The following NECAB2 variants were observed in gnomAD, a reference collection of about 807,000 sequenced individuals.
The protein encoded by NECAB2 is N-terminal EF-hand calcium-binding protein 2.
In NECAB2, 68 loss-of-function variants were observed where a neutral mutation model predicts 51.9. That is an observed-to-expected ratio of 1.31 (90% CI 1.08 to 1.60). NECAB2 has a LOEUF of 1.60. NECAB2 is among the 40% of genes most tolerant of loss of function. The pLI is 0.00. For missense variants in NECAB2, 854 were observed against 490.3 expected (o/e 1.74, Z -7.00); for synonymous variants, 329 against 203.5 (o/e 1.62, Z -5.25).
chr16:83,998,279 G>A lies in NECAB2; in HGVS notation c.924G>A (p.Gln308=). ...QLSEFLDSLR[Q]YLRGTTGVRN... ...GCGAGTTTCTGGACTCTCTGCGCCAGTATCTGCGGGGGACCACTGGCGTGA... is the reference window on the plus strand; with the variant it reads ...GCGAGTTTCTGGACTCTCTGCGCCAATATCTGCGGGGGACCACTGGCGTGA... Residue 308 remains glutamine, a synonymous_variant, in exon 10 of 13, where the codon CAG becomes CAA. Coordinates refer to ENST00000305202, the MANE Select transcript of NECAB2 (RefSeq NM_019065.3). The A allele has an allele frequency of 2.5e-6, 4 of 1,613,508 alleles. 1 individual carries two copies. Among genetic ancestry groups the A allele is most frequent in the Middle Eastern group, 1.6e-4 (1 of 6,062 alleles).
At chr16:83,975,582 G>A (rs1442260135) in intron 2 of NECAB2, among the ~76,000 whole-genome samples, 4 of 152,142 alleles carry the variant, frequency 2.6e-5, no homozygotes, top group Non-Finnish European at 4.4e-5. Flanking sequence ...TGTCAGGGTG[G>A]CTCCTGTGAC....
intron 5 of NECAB2, 130 bp from the exon 6 acceptor site, chr16:83,990,364 G>T (rs900701301): frequency 4.2e-6 from 5 of 1,195,696 alleles, no homozygotes; most frequent in Admixed American, 2.0e-5. Context: ...CCAGGAGGCC[G>T]TGGGGTCCTC....
rs143941932 is a variant in NECAB2 at position 83,994,655 on chromosome 16, C to G, written c.762C>G (p.Arg254=). Residue 254 remains arginine, a synonymous_variant, in exon 8 of 13, where the codon CGC becomes CGG. Transcript: ENST00000305202. ...KEEGLEAQIS[R]LAELIGRLES... ...AGGGTCTGGAAGCCCAGATCAGCCG[C>G]TTGGCAGAGCTGATTGGGAGGCTGG... The G allele has an allele frequency of 3.9e-5, 63 of 1,614,042 alleles. No homozygotes were observed. The African/African-American group carries it at 7.9e-4, about 20-fold the overall frequency.
Position 83,994,704 on chromosome 16 carries a change from A to C in NECAB2, c.795+16A>C, listed in dbSNP as rs746457930. On this transcript the variant is annotated intron_variant, in intron 8 of 12. Transcript: ENST00000305202. The stretch of plus-strand genomic sequence containing the variant: ...GGAGAGCAAAGTAAGCCCTGGCCTG[A>C]CCACGGCGTCTACTCCTTCCAACCC... 3.7e-6 allele frequency: 6 copies of C among 1,613,666 alleles called. No homozygotes were observed. Among genetic ancestry groups the C allele is most frequent in the Non-Finnish European group, 5.1e-6 (6 of 1,179,852 alleles).
intron 10 of NECAB2, 138 bp downstream of exon 10, chr16:83,998,455 G>A: frequency 2.6e-6 from 2 of 781,946 alleles, no homozygotes; most frequent in South Asian, 1.8e-5. Flanking sequence ...TGCGTAAGAA[G>A]TGGGTTCAGG....
intron 11 of NECAB2, among the ~76,000 whole-genome samples, chr16:84,001,481 G>T (rs777655383): frequency 1.3e-5 from 2 of 152,122 alleles, no homozygotes; most frequent in East Asian, 1.9e-4. Context: ...CTCATAAAAC[G>T]AGGGACTAAA....
chr16:84,002,570 G>C lies in NECAB2; in HGVS notation c.*224G>C. On this transcript the variant is annotated 3_prime_UTR_variant, in exon 13 of 13. Coordinates refer to ENST00000305202, the MANE Select transcript of NECAB2 (RefSeq NM_019065.3). Reference sequence around the variant, plus strand: ...GTCCTGGTGAAGCCCAAGGTTGAAGGGGGCGGCTTCCTGGAGCCAGCACCC... The same window carrying C: ...GTCCTGGTGAAGCCCAAGGTTGAAGCGGGCGGCTTCCTGGAGCCAGCACCC... 1 of 617,084 alleles carries C rather than the reference G, an allele frequency of 1.6e-6. No homozygotes were observed. Among genetic ancestry groups the C allele is most frequent in the East Asian group, 2.8e-5 (1 of 35,618 alleles). The allele number at this position is 617,084 out of a possible 1,614,324, so 38.2% of individuals were successfully genotyped here. A position where few individuals can be genotyped will look rare whatever the true frequency, so the allele number is the denominator to read the frequency against.
intron 2 of NECAB2, among the ~76,000 whole-genome samples, chr16:83,976,849 G>T (rs2084416930): frequency 6.6e-6 from 1 of 152,216 alleles, no homozygotes; most frequent in South Asian, 2.1e-4. Flanking sequence ...CCTCTCCTGA[G>T]CTTATGCTCT....
chr16:83,997,728 C>T (rs952519071), intron 9 of NECAB2, among the ~76,000 whole-genome samples: 2 of 152,006 alleles, frequency 1.3e-5, no homozygotes, highest in Non-Finnish European at 2.9e-5. Context: ...CTCCTATCCT[C>T]ATGATCTGCC....
intron 2 of NECAB2, among the ~76,000 whole-genome samples, chr16:83,976,174 G>A (rs1045868301): frequency 3.3e-5 from 5 of 152,148 alleles, no homozygotes; most frequent in African/African-American, 1.2e-4. Flanking sequence ...CATGGTGACT[G>A]CCCCTCACCC....
upstream of NECAB2, among the ~76,000 whole-genome samples, chr16:83,968,102 G>T (rs1245504074): frequency 6.6e-6 from 1 of 151,814 alleles, no homozygotes; most frequent in Middle Eastern, 3.2e-3. Context: ...AACCAAGGGG[G>T]CGGCCTGAGG....
intron 5 of NECAB2, among the ~76,000 whole-genome samples, chr16:83,981,377 G>A (rs1440541232): frequency 6.7e-6 from 1 of 149,672 alleles, no homozygotes; most frequent in Non-Finnish European, 1.5e-5. Context: ...TGGGGCCTTA[G>A]AAAGGGTGGC....
intron 6 of NECAB2, among the ~76,000 whole-genome samples, chr16:83,993,792 G>T (rs1375435383): frequency 1.3e-5 from 2 of 152,114 alleles, no homozygotes; most frequent in African/African-American, 4.8e-5. Flanking sequence ...CAGGATCACA[G>T]TTTCTGTCCT....
In NECAB2 at chr16:84,000,719, T is replaced by G. The variant is rs1194832776; in HGVS notation, c.963-5T>G. The G allele has an allele frequency of 2.5e-6, 4 of 1,613,540 alleles. No homozygotes were observed. The African/African-American group carries it at 4.0e-5, about 16-fold the overall frequency. On this transcript the variant is annotated splice_polypyrimidine_tract_variant and splice_region_variant and intron_variant, in intron 10 of 12. Coordinates refer to ENST00000305202, the MANE Select transcript of NECAB2 (RefSeq NM_019065.3). Reference sequence around the variant, plus strand: ...CCTCCTCCCCCCGACCATCTCCTGTTGCAGCATCACTGCCGTGAGGCTCTC... The same window carrying G: ...CCTCCTCCCCCCGACCATCTCCTGTGGCAGCATCACTGCCGTGAGGCTCTC...
intron 11 of NECAB2, among the ~76,000 whole-genome samples, 199 bp downstream of exon 11, chr16:84,001,000 C>G (rs116145580): frequency 0.024 from 3,721 of 152,020 alleles, 156 homozygotes; most frequent in African/African-American, 0.084. Context: ...AGAGCCCCCA[C>G]CACACTCAGC....
At chr16:83,984,185 C>G (rs545728296) in intron 5 of NECAB2, among the ~76,000 whole-genome samples, 2 of 151,382 alleles carry the variant, frequency 1.3e-5, no homozygotes, top group Admixed American at 1.3e-4. Context: ...TTAGTAGAGA[C>G]GGGGTTTCAT....
intron 9 of NECAB2, among the ~76,000 whole-genome samples, chr16:83,997,491 T>A (rs953953362): frequency 1.5e-4 from 21 of 138,296 alleles, no homozygotes; most frequent in African/African-American, 5.4e-4. Flanking sequence ...TTTTTTTTTT[T>A]TTTTTTTTTT....
chr16:84,001,694 C>T, intron 11 of NECAB2, 131 bp from the exon 12 acceptor site: 6 of 914,658 alleles, frequency 6.6e-6, no homozygotes, highest in Non-Finnish European at 1.0e-5. Context: ...CCCACAAAGG[C>T]TCTGAGTCCA....
chr16:83,989,793 A>C (rs1270251819), intron 5 of NECAB2, among the ~76,000 whole-genome samples: 1 of 152,204 alleles, frequency 6.6e-6, no homozygotes, highest in Non-Finnish European at 1.5e-5. Context: ...TCTGTTCCAC[A>C]CCACAGAGCA....
Sources: allele counts gnomAD v4.1 joint callset (sites outside exome capture counted in the v4.1 genomes callset), GRCh38; gene constraint gnomAD v4.1.1; transcripts MANE v1.5; gene names NCBI Gene and HGNC (gene_info 2026-07-23, HGNC 2026-07-21).